The following EVL variants were observed in gnomAD, a reference collection of about 807,000 sequenced individuals.
The protein encoded by EVL is ena/VASP-like protein.
Under a neutral mutation model 59.6 loss-of-function variants are expected in EVL, and 21 were observed. The observed-to-expected ratio is 0.35, with a 90% CI of 0.25 to 0.51. EVL has a LOEUF of 0.51. EVL is among the 20% of genes least tolerant of loss of function. The pLI is 0.97. For missense variants in EVL, 462 were observed against 546.6 expected (o/e 0.85, Z 1.54); for synonymous variants, 198 against 203.5 (o/e 0.97, Z 0.23).
chr14:100,062,206 GTATATATATATATATGTA>G (rs1312915843), upstream of EVL, among the ~76,000 whole-genome samples: 1 of 47,934 alleles, frequency 2.1e-5, no homozygotes, highest in African/African-American at 1.0e-4. Flanking sequence ...TCAGCTGTGT[GTATATATATATATATGTA>G]TATATATATA....
chr14:100,098,318 G>T (rs1185568738), intron 3 of EVL, among the ~76,000 whole-genome samples: 2 of 152,216 alleles, frequency 1.3e-5, no homozygotes, highest in Non-Finnish European at 2.9e-5. Flanking sequence ...ACAGGCAGAG[G>T]CAGGAGTGGG....
intron 1 of EVL, among the ~76,000 whole-genome samples, chr14:99,978,281 A>G (rs188950263): frequency 0.029 from 4,394 of 151,948 alleles, 88 homozygotes; most frequent in Non-Finnish European, 0.042. Flanking sequence ...GGGTGCCTGT[A>G]GTCCCAGCTA....
At chr14:100,047,116 C>CTTTTTTTT (rs1158933445) in intron 1 of EVL, among the ~76,000 whole-genome samples, 311 of 28,390 alleles carry the variant, frequency 0.011, 6 homozygotes, top group Middle Eastern at 0.053. Context: ...AGATCTCTCT[C>CTTTTTTTT]TCTTTTTTTT....
intron 1 of EVL, among the ~76,000 whole-genome samples, chr14:100,004,033 G>A (rs746216225): frequency 5.9e-5 from 9 of 152,186 alleles, no homozygotes; most frequent in Admixed American, 2.0e-4. Flanking sequence ...GCGAAAGCCC[G>A]TCCTTACTAA....
intron 1 of EVL, among the ~76,000 whole-genome samples, chr14:99,998,534 A>G (rs1281227344): frequency 6.6e-6 from 1 of 152,202 alleles, no homozygotes; most frequent in African/African-American, 2.4e-5. Flanking sequence ...GTCTGCATCT[A>G]TAAAAGTTAC....
intron 1 of EVL, among the ~76,000 whole-genome samples, chr14:100,080,523 T>C (rs1167872279): frequency 6.6e-6 from 1 of 152,198 alleles, no homozygotes; most frequent in Non-Finnish European, 1.5e-5. Flanking sequence ...TCACATGGTC[T>C]TTCTCCTATA....
intron 1 of EVL, chr14:100,019,441 A>G (rs568566552): frequency 1.1e-5 from 6 of 539,766 alleles, no homozygotes; most frequent in African/African-American, 7.8e-5. Flanking sequence ...GAATGATCAC[A>G]TGGTTTTCTA....
At chr14:100,115,367 G>A (rs1393631919) in intron 3 of EVL, among the ~76,000 whole-genome samples, 1 of 152,118 alleles carries the variant, frequency 6.6e-6, no homozygotes, top group Non-Finnish European at 1.5e-5. Flanking sequence ...CTACACAAGG[G>A]GTGCTTCTCG....
chr14:100,082,277 T>C (rs1175152521), intron 1 of EVL, among the ~76,000 whole-genome samples: 1 of 151,472 alleles, frequency 6.6e-6, no homozygotes, highest in Non-Finnish European at 1.5e-5. Flanking sequence ...TACCCATCTC[T>C]CTTTCATTAA....
intron 3 of EVL, among the ~76,000 whole-genome samples, chr14:100,121,037 G>A (rs372354088): frequency 7.9e-5 from 12 of 152,346 alleles, no homozygotes; most frequent in African/African-American, 2.6e-4. Flanking sequence ...CTCGGGCGAC[G>A]AGAGGTGGCT....
chr14:100,050,349 A>AT (rs1376236793), intron 1 of EVL, among the ~76,000 whole-genome samples: 1 of 45,330 alleles, frequency 2.2e-5, no homozygotes, highest in Non-Finnish European at 4.4e-5. Flanking sequence ...TCATTTATTT[A>AT]TTTATTTATT....
intron 9 of EVL, chr14:100,137,249 C>A: frequency 2.6e-6 from 1 of 390,642 alleles, no homozygotes; most frequent in Non-Finnish European, 4.8e-6. Flanking sequence ...CACGTGGGAG[C>A]AAGGCTGTGC....
intron 2 of EVL, among the ~76,000 whole-genome samples, chr14:100,085,787 T>TGCTCATG (rs1012770990): frequency 6.6e-6 from 1 of 152,176 alleles, no homozygotes; most frequent in Non-Finnish European, 1.5e-5. Context: ...AGTTTCATGA[T>TGCTCATG]GCTCATGGCT....
intron 1 of EVL, among the ~76,000 whole-genome samples, chr14:100,079,156 C>T (rs2062234350): frequency 6.6e-6 from 1 of 152,230 alleles, no homozygotes; most frequent in Non-Finnish European, 1.5e-5. Context: ...CAGGGCTGAG[C>T]CTCGCTTTGC....
chr14:99,998,767 C>T (rs1188793107), intron 1 of EVL, among the ~76,000 whole-genome samples: 1 of 152,002 alleles, frequency 6.6e-6, no homozygotes, highest in African/African-American at 2.4e-5. Flanking sequence ...CTAGGATGAG[C>T]AACTTTATAT....
Position 100,129,676 on chromosome 14 carries a change from G to A in EVL, c.831G>A (p.Leu277=). 1 of 1,575,230 alleles carries A rather than the reference G, an allele frequency of 6.3e-7. No homozygotes were observed. The highest frequency in any genetic ancestry group is 8.6e-7 in the Non-Finnish European group (1 of 1,158,890). The change falls in exon 7 of 14, where the codon CTG becomes CTA. Residue 277 remains leucine, a synonymous_variant. Transcript: ENST00000392920. ...GGLMEEMNKL[L]AKRRKAASQS... ...TCATGGAGGAAATGAACAAACTGCTGGCCAAGAGGTGGGTCTCTACACCTC... is the reference window on the plus strand; with the variant it reads ...TCATGGAGGAAATGAACAAACTGCTAGCCAAGAGGTGGGTCTCTACACCTC...
rs765681723 is a variant in EVL at position 100,137,765 on chromosome 14, G to A, written c.1057G>A (p.Glu353Lys). 14 of 1,613,948 alleles carry A rather than the reference G, an allele frequency of 8.7e-6. No homozygotes were observed. Among genetic ancestry groups the A allele is most frequent in the African/African-American group, 2.7e-5 (2 of 74,920 alleles). Reference sequence around the variant, plus strand: ...AACCCCGTCTGTGGCAAAGAGCCCCGAAGCTAAGAGCCCCCTTCAGTCGCA... The same window carrying A: ...AACCCCGTCTGTGGCAAAGAGCCCCAAAGCTAAGAGCCCCCTTCAGTCGCA... Reference protein sequence around the residue: ...SRTPSVAKSPEAKSPLQSQPH... With the variant: ...SRTPSVAKSPKAKSPLQSQPH... Residue 353 changes from glutamate to lysine, a missense_variant, in exon 11 of 14, where the codon GAA (glutamate) becomes AAA (lysine). Glu to Lys is a moderately conservative substitution (Grantham distance 56). Coordinates refer to ENST00000392920, the MANE Select transcript of EVL (RefSeq NM_016337.3).
chr14:100,129,447 C>A (rs927944195), intron 6 of EVL, 116 bp from the exon 7 acceptor site: 1 of 1,456,884 alleles, frequency 6.9e-7, no homozygotes, highest in Non-Finnish European at 9.4e-7. Context: ...AGGCCCCTTG[C>A]AGTGCTGCTG....
intron 3 of EVL, among the ~76,000 whole-genome samples, chr14:100,100,124 GA>G (rs1487159825): frequency 1.3e-5 from 2 of 151,830 alleles, no homozygotes; most frequent in African/African-American, 2.4e-5. Flanking sequence ...CTCATTTTCA[GA>G]TAAGAAAGCC....
Sources: gnomAD v4.1 joint callset for allele counts (sites outside exome capture counted in the v4.1 genomes callset) on GRCh38, gnomAD v4.1.1 for gene constraint, MANE v1.5 for transcripts, NCBI Gene and HGNC (gene_info 2026-07-23, HGNC 2026-07-21) for gene names.